FHIT: variants seen among roughly 807,000 people sequenced by gnomAD.
FHIT encodes the protein fragile histidine triad diadenosine triphosphatase.
FHIT carries 19 observed loss-of-function variants against 17.9 expected under a neutral mutation model. The ratio of observed to expected loss-of-function variants is 1.06; its 90% confidence interval spans 0.74 to 1.56. The LOEUF (loss-of-function observed/expected upper bound fraction) is 1.56. Ranked by LOEUF, FHIT falls within the 40% of genes most tolerant of loss-of-function variation. FHIT has a pLI of 0.00. For synonymous variants in FHIT, 81 were observed against 69.7 expected (o/e 1.16, Z -0.81); for missense variants, 248 against 189.2 (o/e 1.31, Z -1.82).
intron 5 of FHIT, among the ~76,000 whole-genome samples, chr3:60,167,762 T>C (rs1003547857): frequency 8.5e-5 from 13 of 152,178 alleles, no homozygotes; most frequent in African/African-American, 2.9e-4. Flanking sequence ...TGGCAGGGCG[T>C]AGTGGCTCAT....
At chr3:60,186,705 T>TA (rs979268704) in intron 5 of FHIT, among the ~76,000 whole-genome samples, 25 of 152,246 alleles carry the variant, frequency 1.6e-4, no homozygotes, top group African/African-American at 6.0e-4. Flanking sequence ...AAGACAGTGT[T>TA]AGATTGATAA....
chr3:60,560,195 G>A (rs574660225), intron 4 of FHIT, among the ~76,000 whole-genome samples: 1 of 152,272 alleles, frequency 6.6e-6, no homozygotes, highest in East Asian at 1.9e-4. Flanking sequence ...ACAATCTGCT[G>A]CAGAAGAATG....
intron 4 of FHIT, among the ~76,000 whole-genome samples, chr3:60,633,525 G>A (rs1200566600): frequency 6.6e-6 from 1 of 152,164 alleles, no homozygotes; most frequent in Non-Finnish European, 1.5e-5. Flanking sequence ...GATCAAAACA[G>A]TTGTACAAAA....
At chr3:61,196,898 T>C (rs1310839151) in intron 2 of FHIT, among the ~76,000 whole-genome samples, 3 of 152,150 alleles carry the variant, frequency 2.0e-5, no homozygotes, top group African/African-American at 4.8e-5. Flanking sequence ...CAGGTCTTCA[T>C]CCAGTTCCTT....
chr3:60,837,724 T>G (rs1702584797), intron 3 of FHIT, among the ~76,000 whole-genome samples: 1 of 152,148 alleles, frequency 6.6e-6, no homozygotes, highest in South Asian at 2.1e-4. Context: ...TTTGAACACT[T>G]TTTGGAATTC....
At chr3:60,295,411 G>A (rs1191910763) in intron 5 of FHIT, among the ~76,000 whole-genome samples, 1 of 152,124 alleles carries the variant, frequency 6.6e-6, no homozygotes, top group Non-Finnish European at 1.5e-5. Context: ...CATAGCTGAA[G>A]GAGAAGGGGA....
rs147802466 is a variant in FHIT at position 60,519,545 on chromosome 3, G to C, written c.103+17315C>G. On this transcript the variant is annotated intron_variant, in intron 5 of 9. Transcript: ENST00000492590. ...TAAACACTTGATTAACAAATATTTT[G>C]TTTATGTATTATGTATTGTATTCTT... Among the ~76,000 whole-genome samples, 596 of 152,052 alleles carry C rather than the reference G, an allele frequency of 3.9e-3. 4 individuals are homozygous for C. Among genetic ancestry groups the C allele is most frequent in the African/African-American group, 0.014 (575 of 41,478 alleles).
At chr3:60,526,686 C>T (rs574074601) in intron 5 of FHIT, among the ~76,000 whole-genome samples, 2 of 152,210 alleles carry the variant, frequency 1.3e-5, no homozygotes, top group South Asian at 4.2e-4. Context: ...CTCTTGTGTG[C>T]TCATGTACAA....
chr3:60,545,389 C>T (rs1448397883), intron 4 of FHIT, among the ~76,000 whole-genome samples: 1 of 151,838 alleles, frequency 6.6e-6, no homozygotes, highest in Non-Finnish European at 1.5e-5. Context: ...ATTTGTTTTC[C>T]TTTATTGTTT....
intron 8 of FHIT, among the ~76,000 whole-genome samples, chr3:59,862,918 A>G (rs1702471032): frequency 6.6e-6 from 1 of 152,154 alleles, no homozygotes; most frequent in Non-Finnish European, 1.5e-5. Context: ...ACGGGGTAGG[A>G]TGTGGGCTGG....
intron 5 of FHIT, among the ~76,000 whole-genome samples, chr3:60,270,413 G>C (rs1038828009): frequency 6.6e-6 from 1 of 152,168 alleles, no homozygotes; most frequent in Non-Finnish European, 1.5e-5. Context: ...TTTTAAAACA[G>C]ATTCCACATT....
At chr3:60,378,225 A>C (rs1007089363) in intron 5 of FHIT, among the ~76,000 whole-genome samples, 1 of 151,534 alleles carries the variant, frequency 6.6e-6, no homozygotes, top group African/African-American at 2.4e-5. Context: ...ACGGGGTTTC[A>C]CCATTCACAG....
At chr3:60,315,058 G>T (rs1478904938) in intron 5 of FHIT, among the ~76,000 whole-genome samples, 1 of 152,066 alleles carries the variant, frequency 6.6e-6, no homozygotes, top group Non-Finnish European at 1.5e-5. Context: ...CCACCCTGAG[G>T]CTACCATATT....
chr3:60,451,584 A>C (rs1371712461), intron 5 of FHIT, among the ~76,000 whole-genome samples: 1 of 152,196 alleles, frequency 6.6e-6, no homozygotes, highest in Admixed American at 6.6e-5. Context: ...AAATTTCATA[A>C]AGGATATTAA....
intron 5 of FHIT, among the ~76,000 whole-genome samples, chr3:60,321,256 G>A (rs6809898): frequency 2.0e-5 from 3 of 152,190 alleles, no homozygotes; most frequent in Non-Finnish European, 4.4e-5. Flanking sequence ...GGGGCAGGCA[G>A]ATCACTTGAG....
rs144715407 is a variant in FHIT, at chr3:60,992,588, G to A, written c.-111+49459C>T. On this transcript the variant is annotated intron_variant, in intron 3 of 9. Transcript: ENST00000492590. ...TCAGCCACAGCAATGGCAAAGAACC[G>A]CAGGGCAGGTGATGAAAAAGCTCGG... Among the ~76,000 whole-genome samples, 1,246 of 152,246 alleles carry A rather than the reference G, an allele frequency of 8.2e-3. 15 individuals are homozygous for A. Among genetic ancestry groups the A allele is most frequent in the Middle Eastern group, 0.037 (11 of 294 alleles).
intron 2 of FHIT, among the ~76,000 whole-genome samples, chr3:61,042,854 T>C (rs369960346): frequency 2.0e-5 from 3 of 148,646 alleles, no homozygotes; most frequent in Admixed American, 6.7e-5. Flanking sequence ...AAAAAAAAAA[T>C]TAAACACTTT....
At chr3:60,418,414 A>ATGTG (rs1702340712) in intron 5 of FHIT, among the ~76,000 whole-genome samples, 1 of 58,620 alleles carries the variant, frequency 1.7e-5, no homozygotes, top group African/African-American at 5.3e-5. Context: ...ATATATATAT[A>ATGTG]TATATATATA....
chr3:60,673,970 C>A (rs1358402878), intron 4 of FHIT, among the ~76,000 whole-genome samples: 2 of 152,036 alleles, frequency 1.3e-5, no homozygotes, highest in South Asian at 2.1e-4. Context: ...AAAATTTGTT[C>A]ATTTTTTTAA....
Sources: gnomAD v4.1 joint callset for allele counts (sites outside exome capture counted in the v4.1 genomes callset) on GRCh38, gnomAD v4.1.1 for gene constraint, MANE v1.5 for transcripts, NCBI Gene and HGNC (gene_info 2026-07-23, HGNC 2026-07-21) for gene names.